GLTP: variants seen among roughly 807,000 people sequenced by gnomAD.
The protein encoded by GLTP is glycolipid transfer protein.
GLTP carries 22 observed loss-of-function variants against 24.0 expected under a neutral mutation model. The observed-to-expected ratio is 0.92, with a 90% CI of 0.65 to 1.31. GLTP has a LOEUF of 1.31. Among genes scored for constraint, GLTP ranks in the 50% most tolerant of loss-of-function variants. The pLI, the probability that GLTP is intolerant of heterozygous loss-of-function variation, is 0.00. For synonymous variants in GLTP, 92 were observed against 115.9 expected (o/e 0.79, Z 1.33); for missense variants, 224 against 276.6 (o/e 0.81, Z 1.35).
chr12:109,865,622 C>G (rs192358047), intron 1 of GLTP, among the ~76,000 whole-genome samples: 1 of 151,264 alleles, frequency 6.6e-6, no homozygotes. Context: ...AAAATAGAGA[C>G]GGGGTCTTAC....
rs776568557 is a variant in GLTP at position 109,880,250 on chromosome 12, T to C, written c.103+22A>G. The stretch of plus-strand genomic sequence containing the variant: ...GGTGCGCGTGGGGCTGCGGGCCGCC[T>C]CCCCCCTCCATTCCGGCTCACCGAA... On this transcript the variant is annotated intron_variant, in intron 1 of 4. Coordinates refer to ENST00000318348, the MANE Select transcript of GLTP (RefSeq NM_016433.4). The surrounding 1 kb of genome is among the most constrained non-coding windows in gnomAD (Gnocchi z 5.1). 5 of 1,449,222 alleles carry C rather than the reference T, an allele frequency of 3.5e-6. No individual in the cohort carries two copies. In the South Asian group the frequency reaches 4.6e-5, roughly 13 times the overall value. 89.8% of individuals were successfully genotyped at this position (1,449,222 alleles called of 1,614,324 possible). A position where few individuals can be genotyped will look rare whatever the true frequency, so the allele number is the denominator to read the frequency against.
chr12:109,861,614 A>G (rs1457314271), intron 1 of GLTP, among the ~76,000 whole-genome samples: 1 of 152,030 alleles, frequency 6.6e-6, no homozygotes, highest in Non-Finnish European at 1.5e-5. Flanking sequence ...CGGGCGTGGT[A>G]GCAGGTGCCT....
chr12:109,859,042 T>C (rs911969348), intron 1 of GLTP, among the ~76,000 whole-genome samples: 1 of 152,168 alleles, frequency 6.6e-6, no homozygotes, highest in South Asian at 2.1e-4. Context: ...AGAATCAGAA[T>C]GGTATTTGTT....
chr12:109,873,970 G>A (rs1305354565), intron 1 of GLTP, among the ~76,000 whole-genome samples: 1 of 152,238 alleles, frequency 6.6e-6, no homozygotes, highest in Non-Finnish European at 1.5e-5. Context: ...ACACCTCAGA[G>A]CAAACCTGCA....
At chr12:109,859,291 G>A (rs760178093) in intron 1 of GLTP, among the ~76,000 whole-genome samples, 1 of 152,186 alleles carries the variant, frequency 6.6e-6, no homozygotes, top group Non-Finnish European at 1.5e-5. Context: ...AGGCCGAGGC[G>A]GGTGGATCAC....
intron 2 of GLTP, chr12:109,858,159 A>T (rs1231247013): frequency 2.2e-6 from 1 of 457,352 alleles, no homozygotes; most frequent in East Asian, 6.9e-5. Context: ...ACCTTAAGCG[A>T]GTCCTTCAAC....
chr12:109,873,002 A>G (rs1434838653), intron 1 of GLTP, among the ~76,000 whole-genome samples: 2 of 152,180 alleles, frequency 1.3e-5, no homozygotes, highest in African/African-American at 4.8e-5. Context: ...TTCTTAAAAC[A>G]TTATGAGATT....
intron 4 of GLTP, among the ~76,000 whole-genome samples, chr12:109,853,967 C>T (rs926798654): frequency 4.5e-5 from 5 of 111,130 alleles, no homozygotes; most frequent in Admixed American, 3.0e-4. Context: ...TGATCTCCAA[C>T]CTGACCTCAG....
chr12:109,871,288 T>C (rs896443171), intron 1 of GLTP, among the ~76,000 whole-genome samples: 1 of 152,036 alleles, frequency 6.6e-6, no homozygotes, highest in African/African-American at 2.4e-5. Flanking sequence ...GGTTTTACCA[T>C]GTTGGCCAGG....
At position 109,875,784 on chromosome 12, in the gene GLTP, C is replaced by G. The variant is rs192815145; in HGVS notation, c.103+4488G>C. 3.2e-3 allele frequency among the ~76,000 whole-genome samples: 489 copies of G among 152,356 alleles called. 1 individual carries two copies. Among genetic ancestry groups the G allele is most frequent in the Middle Eastern group, 0.01 (3 of 294 alleles). On this transcript the variant is annotated intron_variant, in intron 1 of 4. Transcript: ENST00000318348. ...AAATCAGGCAGGCAAGAGGCTGGCC[C>G]GCAGCCAGCGCCCACTGAAGCAAGC...
intron 1 of GLTP, chr12:109,860,406 A>G (rs1892857092): frequency 9.4e-6 from 2 of 213,322 alleles, no homozygotes; most frequent in South Asian, 8.5e-5. Context: ...CATTGTCTTC[A>G]ATAGTAGCAT....
intron 1 of GLTP, among the ~76,000 whole-genome samples, chr12:109,875,227 G>A (rs763238958): frequency 5.9e-5 from 9 of 152,112 alleles, no homozygotes; most frequent in Non-Finnish European, 1.3e-4. Flanking sequence ...AGGGTCCATG[G>A]GAGTCTAAGA....
At position 109,880,233 on chromosome 12, in the gene GLTP, TG is replaced by T; in HGVS notation, c.103+38del. The T allele has an allele frequency of 2.5e-6, 3 of 1,221,548 alleles. No homozygotes were observed. Among genetic ancestry groups the T allele is most frequent in the East Asian group, 2.5e-5 (1 of 40,578 alleles). 75.7% of individuals were successfully genotyped at this position (1,221,548 alleles called of 1,614,324 possible). ...GGGGGAAGGAGGATTCGGGTGCGCG[TG>T]GGGCTGCGGGCCGCCTCCCCCCTCC... On this transcript the variant is annotated intron_variant, in intron 1 of 4. Coordinates refer to ENST00000318348, the MANE Select transcript of GLTP (RefSeq NM_016433.4). This position sits in a 1 kb window ranked among gnomAD's most constrained non-coding sequence, Gnocchi z 5.1.
intron 1 of GLTP, among the ~76,000 whole-genome samples, chr12:109,868,097 G>A (rs1273730485): frequency 1.3e-5 from 2 of 152,188 alleles, no homozygotes; most frequent in South Asian, 2.1e-4. Flanking sequence ...TTTGACCTCC[G>A]AGGCTCAAGT....
At chr12:109,859,867 T>A (rs935749696) in intron 1 of GLTP, 4 of 152,488 alleles carry the variant, frequency 2.6e-5, no homozygotes, top group African/African-American at 9.6e-5. Context: ...CAAGAGAAAG[T>A]CCTTTTAAGA....
intron 1 of GLTP, among the ~76,000 whole-genome samples, chr12:109,864,061 C>T (rs1868445880): frequency 6.6e-6 from 1 of 152,198 alleles, no homozygotes; most frequent in Non-Finnish European, 1.5e-5. Context: ...AGAAGCTGGG[C>T]CCCAACAGCA....
chr12:109,857,307 T>G lies in GLTP; in HGVS notation c.296+219A>C, dbSNP rs1021846540. Reference sequence around the variant, plus strand: ...TAAAGAGCTTAGCACAACTCCCAGATCAGGGTGTGCTCATATACTGATGGG... The same window carrying G: ...TAAAGAGCTTAGCACAACTCCCAGAGCAGGGTGTGCTCATATACTGATGGG... On this transcript the variant is annotated intron_variant, in intron 3 of 4. Transcript: ENST00000318348. The surrounding 1 kb of genome is among the most constrained non-coding windows in gnomAD (Gnocchi z 4.3). Among the ~76,000 whole-genome samples the G allele has an allele frequency of 1.3e-5, 2 of 152,144 alleles. No homozygotes were observed. Among genetic ancestry groups the G allele is most frequent in the African/African-American group, 2.4e-5 (1 of 41,428 alleles).
At chr12:109,853,520 C>CT (rs145413600) in intron 4 of GLTP, among the ~76,000 whole-genome samples, 5,513 of 151,754 alleles carry the variant, frequency 0.036, 232 homozygotes, top group African/African-American at 0.11. Context: ...AAAACTCCAT[C>CT]TCTACTAAAA....
At position 109,880,156 on chromosome 12, in the gene GLTP, T is replaced by TG; in HGVS notation, c.103+115dup. ...GGAGGGAAAGAGGATCTTGGGTGCC[T>TG]GGGGAAACAGTACTTAGGGGTGTCT... is the stretch of plus-strand genomic sequence containing the variant. On this transcript the variant is annotated intron_variant, in intron 1 of 4. Transcript: ENST00000318348. This position sits in a 1 kb window ranked among gnomAD's most constrained non-coding sequence, Gnocchi z 5.1. The TG allele has an allele frequency of 1.6e-6, 1 of 608,996 alleles. No individual in the cohort carries two copies. 37.7% of individuals were successfully genotyped at this position (608,996 alleles called of 1,614,324 possible). A position where few individuals can be genotyped will look rare whatever the true frequency, so the allele number is the denominator to read the frequency against.
Sources: allele counts gnomAD v4.1 joint callset (sites outside exome capture counted in the v4.1 genomes callset), GRCh38; gene constraint gnomAD v4.1.1; non-coding constraint Gnocchi (gnomAD v3.1); transcripts MANE v1.5; gene names NCBI Gene and HGNC (gene_info 2026-07-23, HGNC 2026-07-21).